Variants in UPP2 observed in about 807,000 individuals in gnomAD.
UPP2 encodes the protein UPase 2.
Under a neutral mutation model 26.7 loss-of-function variants are expected in UPP2, and 23 were observed. The observed-to-expected ratio is 0.86, with a 90% CI of 0.62 to 1.22. The LOEUF (loss-of-function observed/expected upper bound fraction) is 1.22, where lower values mean the gene tolerates loss of function less well. Among genes scored for constraint, UPP2 ranks in the 50% most tolerant of loss-of-function variants. The pLI, the probability that UPP2 is intolerant of heterozygous loss-of-function variation, is 0.00. For synonymous variants in UPP2, 127 were observed against 141.3 expected, an observed-to-expected ratio of 0.90 and a Z score of 0.72; for missense variants, 387 against 396.7, an observed-to-expected ratio of 0.98 and a Z score of 0.21.
At chr2:158,016,882 A>G (rs961477536) in intron 3 of UPP2, among the ~76,000 whole-genome samples, 1 of 152,154 alleles carries the variant, frequency 6.6e-6, no homozygotes, top group Admixed American at 6.5e-5. Context: ...CAAAAAAGAA[A>G]GCCAAGGAAG....
At chr2:158,028,337 C>T (rs1292701566) in intron 3 of UPP2, among the ~76,000 whole-genome samples, 1 of 152,134 alleles carries the variant, frequency 6.6e-6, no homozygotes, top group African/African-American at 2.4e-5. Flanking sequence ...CAAAGTTCCA[C>T]AAATCTCTAG....
intron 3 of UPP2, among the ~76,000 whole-genome samples, chr2:158,046,733 T>C (rs948294135): frequency 2.0e-5 from 3 of 152,232 alleles, no homozygotes; most frequent in African/African-American, 4.8e-5. Context: ...TCTTCACTTA[T>C]GTAATTCCTA....
chr2:158,003,921 A>G (rs370871754), intron 2 of UPP2, among the ~76,000 whole-genome samples: 4 of 152,188 alleles, frequency 2.6e-5, no homozygotes, highest in African/African-American at 9.6e-5. Flanking sequence ...CAAAATAAAA[A>G]CAAGAAAAAT....
At position 158,070,371 on chromosome 2, in the gene UPP2, C is replaced by T. The variant is rs551514542; in HGVS notation, c.148-31669C>T. On this transcript the variant is annotated intron_variant, in intron 3 of 9. Transcript: ENST00000605860. ...CCTGTCCCTACCCAGAAATCAGAGA[C>T]GTGTTTCTATCTATGTACAGGTCTC... Among the ~76,000 whole-genome samples, 7 of 152,308 alleles carry T rather than the reference C, an allele frequency of 4.6e-5. No homozygotes were observed. The South Asian group carries it at 8.3e-4, about 18-fold the overall frequency.
At chr2:158,051,157 ATGTGTGTGTGTGTGTGTGTG>A (rs57745839) in intron 3 of UPP2, among the ~76,000 whole-genome samples, 10 of 145,076 alleles carry the variant, frequency 6.9e-5, no homozygotes, top group African/African-American at 1.0e-4. Flanking sequence ...CTCTAGGAAT[ATGTGTGTGTGTGTGTGTGTG>A]TGTGTGTGTG....
chr2:158,002,260 G>A lies in UPP2; in HGVS notation c.61+7001G>A, dbSNP rs142065591. Among the ~76,000 whole-genome samples the A allele has an allele frequency of 2.9e-3, 441 of 152,232 alleles. 3 individuals are homozygous for A. The highest frequency in any genetic ancestry group is 9.9e-3 in the African/African-American group (410 of 41,556). On this transcript the variant is annotated intron_variant, in intron 2 of 9. Coordinates refer to the UPP2 transcript ENST00000605860. ...AGGGTGAAGTAATAACAAAATCAAA[G>A]TGATGAGTACCAAAGATAAACGTGC...
At chr2:158,104,473 T>A (rs753478298) in intron 1 of UPP2, among the ~76,000 whole-genome samples, 3 of 152,218 alleles carry the variant, frequency 2.0e-5, no homozygotes, top group Non-Finnish European at 1.5e-5. Flanking sequence ...ATACAGAGTG[T>A]CTAAATTAAT....
At chr2:158,089,236 T>C (rs1223149595) in intron 3 of UPP2, among the ~76,000 whole-genome samples, 1 of 152,034 alleles carries the variant, frequency 6.6e-6, no homozygotes, top group Non-Finnish European at 1.5e-5. Flanking sequence ...CCTTTGTGCA[T>C]CATGTAGGTT....
intron 3 of UPP2, among the ~76,000 whole-genome samples, chr2:158,033,300 G>C (rs1355441205): frequency 2.0e-5 from 3 of 152,188 alleles, no homozygotes; most frequent in Admixed American, 6.5e-5. Context: ...AGGTCTCTCT[G>C]CCACACTAGA....
intron 2 of UPP2, among the ~76,000 whole-genome samples, chr2:158,003,730 AGAG>A (rs1308701630): frequency 6.9e-6 from 1 of 144,208 alleles, no homozygotes; most frequent in Admixed American, 7.0e-5. Context: ...AAAAAAAAAA[AGAG>A]AGAAAACTAC....
intron 6 of UPP2, among the ~76,000 whole-genome samples, chr2:158,129,383 G>A (rs921428335): frequency 6.6e-6 from 1 of 152,110 alleles, no homozygotes; most frequent in Non-Finnish European, 1.5e-5. Context: ...GAAGACAGCA[G>A]GTTTTTGAAC....
At chr2:158,134,380 G>A (rs529994628) in intron 6 of UPP2, among the ~76,000 whole-genome samples, 82 of 152,264 alleles carry the variant, frequency 5.4e-4, no homozygotes, top group African/African-American at 1.5e-3. Flanking sequence ...ATATCCTCCC[G>A]TAAAAGACCC....
upstream of UPP2, among the ~76,000 whole-genome samples, chr2:158,099,671 G>A (rs1683042612): frequency 6.6e-6 from 1 of 152,116 alleles, no homozygotes; most frequent in Non-Finnish European, 1.5e-5. Context: ...TGGTCTCAGG[G>A]AGGCCTAAAT....
rs149095970 is a variant in UPP2 at position 158,007,159 on chromosome 2, G to T, written c.62-8642G>T. On this transcript the variant is annotated intron_variant, in intron 2 of 9. Transcript: ENST00000605860. ...CTCAGCCCTTTCTGTGTACTCATAG[G>T]CAGTGTGCTAAGTGCTTGATATGCA... 2.6e-3 allele frequency among the ~76,000 whole-genome samples: 397 copies of T among 152,254 alleles called. 6 individuals carry two copies. The highest frequency in any genetic ancestry group is 0.023 in the Admixed American group (349 of 15,302).
intron 6 of UPP2, 81 bp from the exon 7 acceptor site, chr2:158,134,667 G>C: frequency 3.5e-6 from 5 of 1,434,454 alleles, no homozygotes; most frequent in Non-Finnish European, 4.6e-6. Context: ...CATGTGCTAG[G>C]GATGCTGGTG....
rs1036845527 is a variant in UPP2 at position 158,090,405 on chromosome 2, G to T, written c.148-11635G>T. 2.6e-5 allele frequency among the ~76,000 whole-genome samples: 4 copies of T among 152,132 alleles called. No homozygotes were observed. The East Asian group carries it at 7.7e-4, about 29-fold the overall frequency. ...AGTCGCAGCTACTCCGGAGGCTGAG[G>T]CAGGAGAATGGCGTGAACCCGGGAG... On this transcript the variant is annotated intron_variant, in intron 3 of 9. Coordinates refer to the UPP2 transcript ENST00000605860.
intron 2 of UPP2, among the ~76,000 whole-genome samples, chr2:158,107,123 C>T (rs1037082453): frequency 5.3e-5 from 8 of 152,130 alleles, no homozygotes; most frequent in Non-Finnish European, 1.0e-4. Flanking sequence ...TAAAGATTTT[C>T]TACATTTAGG....
intron 2 of UPP2, among the ~76,000 whole-genome samples, chr2:158,004,400 A>G (rs1683457492): frequency 6.6e-6 from 1 of 152,184 alleles, no homozygotes; most frequent in Non-Finnish European, 1.5e-5. Context: ...TAAGAAAAAA[A>G]AAAATCCAAC....
rs948203621 is a variant in UPP2, at chr2:158,084,556, G to C, written c.148-17484G>C. On this transcript the variant is annotated intron_variant, in intron 3 of 9. Transcript: ENST00000605860. ...CATTTGCTTTCGGGTTCTTGGTCAA[G>C]AAGTCTTTGCCTAAGCCAATATCGA... Among the ~76,000 whole-genome samples the C allele has an allele frequency of 1.7e-4, 26 of 152,224 alleles. No individual in the cohort carries two copies. The East Asian group carries it at 5.0e-3, about 29-fold the overall frequency.
Sources: allele counts gnomAD v4.1 joint callset (sites outside exome capture counted in the v4.1 genomes callset), GRCh38; gene constraint gnomAD v4.1.1; transcripts MANE v1.5; gene names NCBI Gene and HGNC (gene_info 2026-07-23, HGNC 2026-07-21).